RPL35A: variants seen among roughly 807,000 people sequenced by gnomAD.
RPL35A encodes the protein large ribosomal subunit protein eL33.
A neutral mutation model predicts 16.7 loss-of-function variants in RPL35A; 1 was observed. The observed-to-expected ratio is 0.06, with a 90% CI of 0.02 to 0.28. The LOEUF (loss-of-function observed/expected upper bound fraction) is 0.28. Among genes scored for constraint, RPL35A ranks in the 10% least tolerant of loss-of-function variants. RPL35A has a pLI of 1.00. For synonymous variants in RPL35A, 58 were observed against 47.0 expected (o/e 1.23, Z -0.96); for missense variants, 91 against 138.7 (o/e 0.66, Z 1.73).
intron 1 of RPL35A, 120 bp from the exon 2 acceptor site, chr3:197,950,816 C>A: frequency 1.2e-6 from 1 of 834,022 alleles, no homozygotes. Context: ...ATTGTTGTCC[C>A]CGAACTCCTA....
intron 3 of RPL35A, 112 bp from the exon 4 acceptor site, chr3:197,953,891 T>C (rs1463387200): frequency 1.9e-5 from 19 of 983,930 alleles, no homozygotes; most frequent in Non-Finnish European, 2.9e-5. Context: ...TTAAAGTTTC[T>C]CAGGTGATGA....
chr3:197,953,766 T>G, intron 3 of RPL35A: 1 of 588,862 alleles, frequency 1.7e-6, no homozygotes, highest in Non-Finnish European at 3.0e-6. Flanking sequence ...TTCCTTAAAC[T>G]TACTTGGTTA....
rs578182522 is a variant in RPL35A at position 197,950,244 on chromosome 3, A to G, written c.-33+23A>G. 15 of 1,230,750 alleles carry G rather than the reference A, an allele frequency of 1.2e-5. No homozygotes were observed. The South Asian group carries it at 4.2e-4, about 34-fold the overall frequency. The allele number at this position is 1,230,750 out of a possible 1,614,324, so 76.2% of individuals were successfully genotyped here. On this transcript the variant is annotated intron_variant, in intron 1 of 4. Transcript: ENST00000647248. Reference sequence around the variant, plus strand: ...GAGGTGAGTGAAGGGTCTGCTGCTGAAATTTGGGGGCAAATAACCGGAGTA... The same window carrying G: ...GAGGTGAGTGAAGGGTCTGCTGCTGGAATTTGGGGGCAAATAACCGGAGTA...
At chr3:197,954,841 T>G (rs1720405350) in intron 4 of RPL35A, among the ~76,000 whole-genome samples, 2 of 152,198 alleles carry the variant, frequency 1.3e-5, no homozygotes, top group Non-Finnish European at 2.9e-5. Flanking sequence ...AGATATTTAT[T>G]GGGCACTGAA....
At position 197,950,208 on chromosome 3, in the gene RPL35A, T is replaced by C. The variant is rs969103101; in HGVS notation, c.-46T>C. On this transcript the variant is annotated 5_prime_UTR_variant, in exon 1 of 5. Coordinates refer to ENST00000647248, the MANE Select transcript of RPL35A (RefSeq NM_000996.4). ...CCTCGTCCTTCTCTTACCGCCATCT[T>C]GGCTCCTGTGGAGGTGAGTGAAGGG... 8.9e-6 allele frequency: 11 copies of C among 1,231,508 alleles called. No individual in the cohort carries two copies. The South Asian group carries it at 3.3e-4, about 37-fold the overall frequency. The allele number at this position is 1,231,508 out of a possible 1,614,324, so 76.3% of individuals were successfully genotyped here. A position where few individuals can be genotyped will look rare whatever the true frequency, so the allele number is the denominator to read the frequency against.
At chr3:197,950,804 G>A in intron 1 of RPL35A, 132 bp from the exon 2 acceptor site, 1 of 737,792 alleles carries the variant, frequency 1.4e-6, no homozygotes. Flanking sequence ...GGATGTTCTG[G>A]CATTGTTGTC....
chr3:197,953,747 C>G lies in RPL35A; in HGVS notation c.165-256C>G, dbSNP rs1720310290. On this transcript the variant is annotated intron_variant, in intron 3 of 4. Transcript: ENST00000647248. ...AATATTGCCTCTGTTATCATCTGAC[C>G]TATGTATTTTCCTTAAACTTACTTG... 13 of 560,892 alleles carry G rather than the reference C, an allele frequency of 2.3e-5. No individual in the cohort carries two copies. In the South Asian group the frequency reaches 2.4e-4, roughly 10 times the overall value. 34.7% of individuals were successfully genotyped at this position (560,892 alleles called of 1,614,324 possible).
At chr3:197,951,067 T>A (rs543590439) in intron 2 of RPL35A, 89 bp downstream of exon 2, 1 of 1,602,106 alleles carries the variant, frequency 6.2e-7, no homozygotes, top group African/African-American at 1.3e-5. Flanking sequence ...AACTTAGATG[T>A]TTGCTCTGAG....
intron 4 of RPL35A, among the ~76,000 whole-genome samples, chr3:197,954,603 A>G (rs1345628904): frequency 6.6e-6 from 1 of 152,128 alleles, no homozygotes. Flanking sequence ...TTTGCCTCCA[A>G]AGTTCATGTG....
chr3:197,955,647 A>G, intron 4 of RPL35A, 103 bp from the exon 5 acceptor site: 3 of 1,028,716 alleles, frequency 2.9e-6, no homozygotes, highest in South Asian at 1.3e-5. Context: ...CCACTAGAAC[A>G]TGTAATTGGT....
chr3:197,955,695 T>C (rs2109818722), intron 4 of RPL35A, 55 bp from the exon 5 acceptor site: 1 of 1,419,334 alleles, frequency 7.0e-7, no homozygotes. Flanking sequence ...GGTTCTTGAT[T>C]TGTAGACGTA....
chr3:197,955,369 T>A (rs1720444832), intron 4 of RPL35A, among the ~76,000 whole-genome samples: 1 of 151,950 alleles, frequency 6.6e-6, no homozygotes, highest in African/African-American at 2.4e-5. Context: ...TTCAAGCGAT[T>A]CTCCTGCCTC....
chr3:197,950,687 T>G, intron 1 of RPL35A: 1 of 534,682 alleles, frequency 1.9e-6, no homozygotes, highest in Non-Finnish European at 3.3e-6. Flanking sequence ...TTTCTGAGAG[T>G]CATTTTTGTG....
chr3:197,955,952 G>A lies in RPL35A; in HGVS notation c.*179G>A. The A allele has an allele frequency of 1.6e-6, 1 of 619,562 alleles. No individual in the cohort carries two copies. 38.4% of individuals were successfully genotyped at this position (619,562 alleles called of 1,614,324 possible). A position where few individuals can be genotyped will look rare whatever the true frequency, so the allele number is the denominator to read the frequency against. ...ATGAAAATTACAGGGCGAGTACAGA[G>A]ATTTAGAAGGGAACGGGTTTTAATG... On this transcript the variant is annotated 3_prime_UTR_variant, in exon 5 of 5. Coordinates refer to ENST00000647248, the MANE Select transcript of RPL35A (RefSeq NM_000996.4).
chr3:197,951,552 C>T (rs1038777876), intron 3 of RPL35A: 1 of 481,040 alleles, frequency 2.1e-6, no homozygotes. Flanking sequence ...AGGGTATTGC[C>T]ATGTTGGCCA....
At position 197,954,141 on chromosome 3, in the gene RPL35A, C is replaced by T; in HGVS notation, c.303C>T (p.Ile101=). The change falls in exon 4 of 5, where the codon ATC becomes ATT. Residue 101 remains isoleucine, a synonymous_variant. Transcript: ENST00000647248. ...NLPAKAIGHR[I]RVMLYPSRI ...CTGCTAAGGCCATTGGACACAGAATCCGAGTGGTGAGTATGGTTTTTAGCA... is the reference window on the plus strand; with the variant it reads ...CTGCTAAGGCCATTGGACACAGAATTCGAGTGGTGAGTATGGTTTTTAGCA... 6.2e-7 allele frequency: 1 copy of T among 1,614,138 alleles called. No individual in the cohort carries two copies. Among genetic ancestry groups the T allele is most frequent in the Non-Finnish European group, 8.5e-7 (1 of 1,180,022 alleles).
chr3:197,951,564 G>A, intron 3 of RPL35A: 1 of 462,978 alleles, frequency 2.2e-6, no homozygotes, highest in Non-Finnish European at 4.0e-6. Context: ...TGTTGGCCAG[G>A]CTGGTCCCAA....
At chr3:197,954,329 G>T in intron 4 of RPL35A, 182 bp downstream of exon 4, 3 of 675,906 alleles carry the variant, frequency 4.4e-6, no homozygotes, top group Non-Finnish European at 7.6e-6. Flanking sequence ...TTGGTTGTTT[G>T]TTTTTTGTTT....
At chr3:197,954,678 A>G (rs556183412) in intron 4 of RPL35A, among the ~76,000 whole-genome samples, 1 of 152,060 alleles carries the variant, frequency 6.6e-6, no homozygotes, top group Admixed American at 6.6e-5. Flanking sequence ...TGCCCAGATA[A>G]TTTTTTGTAT....
Sources: allele counts gnomAD v4.1 joint callset (sites outside exome capture counted in the v4.1 genomes callset), GRCh38; gene constraint gnomAD v4.1.1; transcripts MANE v1.5; gene names NCBI Gene and HGNC (gene_info 2026-07-23, HGNC 2026-07-21).